Variants in MYO5A observed in about 807,000 individuals in gnomAD.
MYO5A encodes unconventional myosin-Va.
In MYO5A, 98 loss-of-function variants were observed where a neutral mutation model predicts 249.7. The ratio of observed to expected loss-of-function variants is 0.39; its 90% CI spans 0.33 to 0.46. MYO5A has a LOEUF of 0.46. MYO5A is among the 20% of genes least tolerant of loss of function. The probability of loss-of-function intolerance (pLI) is 0.98; values close to 1 mark genes in which losing one functional copy is unlikely to be tolerated. For synonymous variants in MYO5A, 778 were observed against 810.6 expected, an observed-to-expected ratio of 0.96 and a Z score of 0.68; for missense variants, 1,696 against 2,308.8, an observed-to-expected ratio of 0.73 and a Z score of 5.44.
At chr15:52,410,587 G>C in intron 5 of MYO5A, 111 bp from the exon 6 acceptor site, 1 of 856,268 alleles carries the variant, frequency 1.2e-6, no homozygotes, top group Non-Finnish European at 1.7e-6. Context: ...CCTTAAAATT[G>C]ATTTTTTTTT....
chr15:52,371,248 T>G (rs1340010491), intron 21 of MYO5A, among the ~76,000 whole-genome samples: 1 of 152,218 alleles, frequency 6.6e-6, no homozygotes, highest in Non-Finnish European at 1.5e-5. Flanking sequence ...ATCCCTGTTT[T>G]GCTTTGCTCT....
rs1361032126 is a variant in MYO5A, at chr15:52,430,826, CA to C, written c.139-2258del. On this transcript the variant is annotated intron_variant, in intron 2 of 41. Transcript: ENST00000399233. Reference sequence around the variant, plus strand: ...AATAAGTAATATAGCTAATGAAAACCAAAAAGAGAAGTTATAGTACACATAA... The same window carrying C: ...AATAAGTAATATAGCTAATGAAAACCAAAAGAGAAGTTATAGTACACATAA... Among the ~76,000 whole-genome samples, 15 of 151,732 alleles carry C rather than the reference CA, an allele frequency of 9.9e-5. No homozygotes were observed. The South Asian group carries it at 1.3e-3, about 13-fold the overall frequency.
rs140007020 is a variant in MYO5A, at chr15:52,409,057, T to G, written c.757-917A>C. Reference sequence around the variant, plus strand: ...ACAATACAAGTATGCCTTTTCTGATTGTGTGACTCATTTTGACAAGCCAAA... The same window carrying G: ...ACAATACAAGTATGCCTTTTCTGATGGTGTGACTCATTTTGACAAGCCAAA... On this transcript the variant is annotated intron_variant, in intron 6 of 41. Transcript: ENST00000399233. Among the ~76,000 whole-genome samples the G allele has an allele frequency of 4.5e-4, 68 of 152,258 alleles. 1 individual carries two copies. The East Asian group carries it at 7.2e-3, about 16-fold the overall frequency.
chr15:52,457,813 T>G (rs141557130), intron 1 of MYO5A, among the ~76,000 whole-genome samples: 1 of 152,214 alleles, frequency 6.6e-6, no homozygotes, highest in African/African-American at 2.4e-5. Flanking sequence ...TGCACCCTCA[T>G]GTTTATTGCA....
In MYO5A at chr15:52,320,991, C is replaced by T. The variant is rs112013907; in HGVS notation, c.4951+368G>A. ...TCGCGCCACTGCACTCCAGCCTGGG[C>T]GACAGAGCGAGACTCTGTCTCAAAA... On this transcript the variant is annotated intron_variant, in intron 38 of 41. Coordinates refer to ENST00000399233, the MANE Select transcript of MYO5A (RefSeq NM_001382347.1). Among the ~76,000 whole-genome samples the T allele has an allele frequency of 3.6e-3, 538 of 148,172 alleles. 3 individuals are homozygous for T. The highest frequency in any genetic ancestry group is 6.2e-3 in the Admixed American group (92 of 14,746).
intron 23 of MYO5A, 54 bp from the exon 24 acceptor site, chr15:52,364,756 T>C (rs1007430272): frequency 1.9e-4 from 299 of 1,587,724 alleles, no homozygotes; most frequent in Non-Finnish European, 2.5e-4. Context: ...AGAATGCAAT[T>C]GTGTAAACAT....
intron 28 of MYO5A, among the ~76,000 whole-genome samples, chr15:52,350,147 T>C (rs1247442216): frequency 1.3e-5 from 2 of 152,310 alleles, no homozygotes; most frequent in Non-Finnish European, 2.9e-5. Context: ...TTAGCCAGGA[T>C]GGTCTCGATC....
At chr15:52,342,362 A>G (rs1441862182) in intron 31 of MYO5A, among the ~76,000 whole-genome samples, 1 of 152,206 alleles carries the variant, frequency 6.6e-6, no homozygotes, top group Non-Finnish European at 1.5e-5. Context: ...CTGTGTCAAA[A>G]AAAAGAAAAG....
rs750523016 is a variant in MYO5A, at chr15:52,376,606, G to A, written c.2209-48C>T. 18 of 1,538,622 alleles carry A rather than the reference G, an allele frequency of 1.2e-5. No homozygotes were observed. The South Asian group carries it at 2.1e-4, about 18-fold the overall frequency. ...ATTCAGAAATAATAATCATATAAGT[G>A]AAATTTAAAAGAAAAAATGTCTAAA... On this transcript the variant is annotated intron_variant, in intron 18 of 41. Transcript: ENST00000399233.
rs145730248 is a variant in MYO5A at position 52,337,011 on chromosome 15, A to G, written c.4315-455T>C. Among the ~76,000 whole-genome samples the G allele has an allele frequency of 5.3e-4, 80 of 152,378 alleles. 2 individuals carry two copies. The East Asian group carries it at 7.3e-3, about 14-fold the overall frequency. On this transcript the variant is annotated intron_variant, in intron 33 of 41. Coordinates refer to ENST00000399233, the MANE Select transcript of MYO5A (RefSeq NM_001382347.1). ...GCACTGTCTCTATGAGAGCCACCCTATGAAATTCTAAAATTAGCCCTGAAA... is the reference window on the plus strand; with the variant it reads ...GCACTGTCTCTATGAGAGCCACCCTGTGAAATTCTAAAATTAGCCCTGAAA...
At chr15:52,511,715 T>C (rs781028941) in intron 1 of MYO5A, among the ~76,000 whole-genome samples, 2 of 152,232 alleles carry the variant, frequency 1.3e-5, no homozygotes, top group Non-Finnish European at 2.9e-5. Flanking sequence ...TTAACCTATC[T>C]ACCTCTGTAG....
intron 1 of MYO5A, among the ~76,000 whole-genome samples, chr15:52,512,929 C>T (rs1223713799): frequency 6.8e-6 from 1 of 146,980 alleles, no homozygotes; most frequent in East Asian, 2.1e-4. Context: ...AGACGGAGAC[C>T]ATGCTGGTAA....
intron 21 of MYO5A, among the ~76,000 whole-genome samples, chr15:52,371,321 C>G (rs77060497): frequency 0.036 from 5,541 of 152,140 alleles, 339 homozygotes; most frequent in African/African-American, 0.13. Context: ...ATATTAGTAA[C>G]TATCTTTAAT....
chr15:52,374,235 T>C (rs1372292803), intron 20 of MYO5A, among the ~76,000 whole-genome samples: 2 of 152,230 alleles, frequency 1.3e-5, no homozygotes, highest in African/African-American at 2.4e-5. Context: ...AGATGTAAGA[T>C]TATTTGTCAA....
chr15:52,416,094 T>C (rs781210134), intron 5 of MYO5A, 51 bp downstream of exon 5: 5 of 1,604,570 alleles, frequency 3.1e-6, no homozygotes, highest in Non-Finnish European at 4.3e-6. Flanking sequence ...TTTTTGAGCA[T>C]GTTTCTTATC....
At chr15:52,524,211 A>C (rs1220565442) in intron 1 of MYO5A, among the ~76,000 whole-genome samples, 5 of 152,252 alleles carry the variant, frequency 3.3e-5, no homozygotes, top group Non-Finnish European at 7.3e-5. Context: ...AGCTTCAGGT[A>C]AAAACAAAAC....
chr15:52,351,507 C>A, intron 27 of MYO5A, 26 bp from the exon 28 acceptor site: 2 of 1,595,422 alleles, frequency 1.3e-6, no homozygotes, highest in Non-Finnish European at 1.7e-6. Context: ...AAGAAAAGTT[C>A]ATTGCTGTCA....
intron 1 of MYO5A, among the ~76,000 whole-genome samples, chr15:52,466,685 C>A (rs1025149538): frequency 6.6e-6 from 1 of 152,152 alleles, no homozygotes; most frequent in East Asian, 1.9e-4. Flanking sequence ...GGGTAGGTAG[C>A]CACTCCCATC....
intron 1 of MYO5A, among the ~76,000 whole-genome samples, chr15:52,477,190 CT>C (rs2076613731): frequency 6.6e-6 from 1 of 152,220 alleles, no homozygotes; most frequent in South Asian, 2.1e-4. Context: ...AAATTGGCTA[CT>C]GAAGCTTGTG....
Sources: gnomAD v4.1 joint callset for allele counts (sites outside exome capture counted in the v4.1 genomes callset) on GRCh38, gnomAD v4.1.1 for gene constraint, MANE v1.5 for transcripts, NCBI Gene and HGNC (gene_info 2026-07-23, HGNC 2026-07-21) for gene names.